REDIC1: variants seen among roughly 807,000 people sequenced by gnomAD.
REDIC1 encodes HEI10 Interacting Protein 1.
the REDIC1 span, among the ~76,000 whole-genome samples, chr12:39,902,302 G>T: frequency 6.6e-6 from 1 of 151,334 alleles, no homozygotes; most frequent in African/African-American, 2.4e-5. Flanking sequence ...TAACTAACCT[G>T]CACATTGTGC....
chr12:39,841,917 G>A, the REDIC1 span, among the ~76,000 whole-genome samples: 1 of 152,066 alleles, frequency 6.6e-6, no homozygotes, highest in Non-Finnish European at 1.5e-5. Context: ...TTTATCATGA[G>A]CCTTATTGTG....
chr12:39,798,242 C>T, the REDIC1 span, among the ~76,000 whole-genome samples: 1 of 152,178 alleles, frequency 6.6e-6, no homozygotes, highest in Non-Finnish European at 1.5e-5. Flanking sequence ...CCCCTTAAGC[C>T]TTCAGAGGAC....
the REDIC1 span, chr12:39,871,776 A>G: frequency 6.3e-7 from 1 of 1,579,672 alleles, no homozygotes; most frequent in Admixed American, 1.9e-5. Context: ...TTTATAATTG[A>G]ATTCTTTATC....
At chr12:39,885,851 T>C in the REDIC1 span, among the ~76,000 whole-genome samples, 2 of 152,210 alleles carry the variant, frequency 1.3e-5, no homozygotes, top group Non-Finnish European at 2.9e-5. Flanking sequence ...AGCCTCCTCC[T>C]ACCCAGGATT....
the REDIC1 span, among the ~76,000 whole-genome samples, chr12:39,808,038 T>C: frequency 7.2e-4 from 109 of 152,276 alleles, no homozygotes; most frequent in African/African-American, 2.4e-3. Context: ...TCAATGAGTT[T>C]TGACAATGTA....
chr12:39,626,442 C>T, the REDIC1 span: 2 of 1,566,744 alleles, frequency 1.3e-6, no homozygotes, highest in Non-Finnish European at 1.8e-6. Context: ...AGGTCACAGC[C>T]TTAGCTGGAA....
the REDIC1 span, among the ~76,000 whole-genome samples, chr12:39,638,681 G>A: frequency 4.7e-4 from 71 of 152,096 alleles, no homozygotes; most frequent in South Asian, 8.3e-4. Context: ...AACAGTGATA[G>A]CCTTAATAAT....
At chr12:39,879,183 G>A in the REDIC1 span, among the ~76,000 whole-genome samples, 11 of 152,254 alleles carry the variant, frequency 7.2e-5, no homozygotes, top group Non-Finnish European at 2.9e-5. Flanking sequence ...GAAAGCCTGG[G>A]TGCCCTGGCA....
chr12:39,746,689 C>T, the REDIC1 span, among the ~76,000 whole-genome samples: 1 of 152,242 alleles, frequency 6.6e-6, no homozygotes, highest in South Asian at 2.1e-4. Context: ...TAGGGGCAGA[C>T]TGACACCTCA....
chr12:39,740,142 A>C, the REDIC1 span, among the ~76,000 whole-genome samples: 1 of 152,244 alleles, frequency 6.6e-6, no homozygotes, highest in East Asian at 1.9e-4. Context: ...AGATAAAGAC[A>C]GATTTGTTGA....
the REDIC1 span, among the ~76,000 whole-genome samples, chr12:39,725,104 A>C: frequency 1.3e-5 from 2 of 152,266 alleles, no homozygotes; most frequent in South Asian, 4.1e-4. Context: ...CAAATGAAAA[A>C]CATGAAAGCC....
the REDIC1 span, among the ~76,000 whole-genome samples, chr12:39,750,323 A>C: frequency 6.6e-6 from 1 of 152,212 alleles, no homozygotes; most frequent in Non-Finnish European, 1.5e-5. Flanking sequence ...AATTGCTACA[A>C]AGAGAATAAA....
chr12:39,721,425 G>T, the REDIC1 span: 1 of 574,824 alleles, frequency 1.7e-6, no homozygotes, highest in Non-Finnish European at 3.0e-6. Flanking sequence ...TATTATTAAT[G>T]TATGTATTTA....
the REDIC1 span, among the ~76,000 whole-genome samples, chr12:39,821,631 A>C: frequency 3.2e-3 from 491 of 152,288 alleles, 1 homozygote; most frequent in African/African-American, 0.011. Flanking sequence ...ATCTAATGGA[A>C]CACCTTCTAT....
the REDIC1 span, among the ~76,000 whole-genome samples, chr12:39,777,579 A>T: frequency 6.6e-6 from 1 of 152,064 alleles, no homozygotes; most frequent in African/African-American, 2.4e-5. Flanking sequence ...ACTTCCCAAG[A>T]CCACCCTGGC....
chr12:39,743,981 T>C, the REDIC1 span, among the ~76,000 whole-genome samples: 26 of 151,982 alleles, frequency 1.7e-4, no homozygotes, highest in African/African-American at 5.8e-4. Context: ...CCCACAGATA[T>C]AGGAAGCTGG....
the REDIC1 span, among the ~76,000 whole-genome samples, chr12:39,807,549 A>G: frequency 6.6e-6 from 1 of 152,386 alleles, no homozygotes; most frequent in South Asian, 2.1e-4. Context: ...AAGGGTGGCT[A>G]TAAGACTTGA....
the REDIC1 span, among the ~76,000 whole-genome samples, chr12:39,637,584 G>T: frequency 6.6e-6 from 1 of 152,010 alleles, no homozygotes; most frequent in Non-Finnish European, 1.5e-5. Context: ...GATAATTAGA[G>T]CTGTGTTTTA....
chr12:39,782,692 G>C, the REDIC1 span, among the ~76,000 whole-genome samples: 1 of 152,086 alleles, frequency 6.6e-6, no homozygotes, highest in Non-Finnish European at 1.5e-5. Flanking sequence ...GGAACAGTTT[G>C]GAGGGATCAA....
Sources: allele counts gnomAD v4.1 joint callset (sites outside exome capture counted in the v4.1 genomes callset), GRCh38; gene constraint gnomAD v4.1.1; transcripts MANE v1.5; gene names NCBI Gene and HGNC (gene_info 2026-07-23, HGNC 2026-07-21).